The following STARD3 variants were observed in gnomAD, a reference collection of about 807,000 sequenced individuals.
The protein encoded by STARD3 is stAR-related lipid transfer protein 3.
STARD3 carries 39 observed loss-of-function variants against 62.0 expected under a neutral mutation model. The observed-to-expected ratio is 0.63, with a 90% CI of 0.49 to 0.82. The LOEUF (loss-of-function observed/expected upper bound fraction) is 0.82. STARD3 is among the 40% of genes least tolerant of loss of function. The probability of loss-of-function intolerance (pLI) is 0.00; values close to 1 mark genes in which losing one functional copy is unlikely to be tolerated. For synonymous variants in STARD3, 229 were observed against 242.4 expected, an observed-to-expected ratio of 0.94 and a Z score of 0.51; for missense variants, 543 against 584.5, an observed-to-expected ratio of 0.93 and a Z score of 0.73.
intron 1 of STARD3, chr17:39,653,076 C>T (rs2144975889): frequency 5.1e-6 from 1 of 196,088 alleles, no homozygotes; most frequent in Non-Finnish European, 1.1e-5. Context: ...AAGAACAGAG[C>T]TTGGGGCCCT....
intron 1 of STARD3, among the ~76,000 whole-genome samples, chr17:39,645,881 CTTTTTTTTTTTTTTTT>C (rs71147368): frequency 3.6e-5 from 2 of 55,666 alleles, no homozygotes; most frequent in East Asian, 4.0e-4. Context: ...GGATTCTTGC[CTTTTTTTTTTTTTTTT>C]TTTTTTTTTT....
At chr17:39,653,778 G>A in intron 2 of STARD3, 28 bp downstream of exon 2, 1 of 1,612,368 alleles carries the variant, frequency 6.2e-7, no homozygotes, top group South Asian at 1.1e-5. Context: ...GGGGGCACAG[G>A]CCATGTTGCA....
rs2056991206 is a variant in STARD3 at position 39,642,587 on chromosome 17, G to A, written c.-52+5356G>A. ...AGTTCTGGCACTGGGCATGCAGCAG[G>A]GAGCAAAGCACAGGAAGTCCTTACT... On this transcript the variant is annotated intron_variant, in intron 1 of 14. Transcript: ENST00000336308. Among the ~76,000 whole-genome samples the A allele has an allele frequency of 3.3e-5, 5 of 152,288 alleles. No individual in the cohort carries two copies. The South Asian group carries it at 1.0e-3, about 32-fold the overall frequency.
intron 1 of STARD3, among the ~76,000 whole-genome samples, chr17:39,648,575 C>T (rs1345462407): frequency 6.6e-6 from 1 of 152,120 alleles, no homozygotes; most frequent in Non-Finnish European, 1.5e-5. Flanking sequence ...TACTGGTTGC[C>T]CGGAGACTGG....
At chr17:39,653,439 C>T (rs2057095758) in intron 1 of STARD3, 42 bp from the exon 2 acceptor site, 3 of 1,339,704 alleles carry the variant, frequency 2.2e-6, no homozygotes, top group East Asian at 2.5e-5. Flanking sequence ...GTGGGAGGGA[C>T]AGGAGGAGTT....
At position 39,659,008 on chromosome 17, in the gene STARD3, C is replaced by G. The variant is rs375298708; in HGVS notation, c.647-43C>G. On this transcript the variant is annotated intron_variant, in intron 7 of 14. Coordinates refer to ENST00000336308, the MANE Select transcript of STARD3 (RefSeq NM_006804.4). ...GAACCCCACTACCTCCCCACACTCTCTCCCCACCCCTTGCCATTGTCATCT... is the reference window on the plus strand; with the variant it reads ...GAACCCCACTACCTCCCCACACTCTGTCCCCACCCCTTGCCATTGTCATCT... The G allele has an allele frequency of 3.1e-6, 5 of 1,613,050 alleles. No homozygotes were observed. The South Asian group carries it at 4.4e-5, about 14-fold the overall frequency.
At chr17:39,646,711 G>A (rs186463437) in intron 1 of STARD3, among the ~76,000 whole-genome samples, 122 of 152,254 alleles carry the variant, frequency 8.0e-4, no homozygotes, top group Admixed American at 4.8e-3. Context: ...TGTTTGTCCT[G>A]AGTCCAGGAC....
chr17:39,660,007 ACT>A lies in STARD3; in HGVS notation c.796-202_796-201del. ...GCTGCAGCTGTCCCCCCGTCTTTTA[ACT>A]CGACATCAAAAGCCTCTCTCCTGCC... On this transcript the variant is annotated intron_variant, in intron 9 of 14. Transcript: ENST00000336308. The surrounding 1 kb of genome is among the most constrained non-coding windows in gnomAD (Gnocchi z 4.8). 1.7e-6 allele frequency: 1 copy of A among 597,270 alleles called. No homozygotes were observed. Among genetic ancestry groups the A allele is most frequent in the Non-Finnish European group, 3.0e-6 (1 of 336,380 alleles). The allele number at this position is 597,270 out of a possible 1,614,324, so 37.0% of individuals were successfully genotyped here.
intron 14 of STARD3, 76 bp downstream of exon 14, chr17:39,662,420 C>A: frequency 7.1e-7 from 1 of 1,406,766 alleles, no homozygotes; most frequent in Non-Finnish European, 9.9e-7. Flanking sequence ...TGCTGCATGA[C>A]TTTGGGGGCT....
intron 13 of STARD3, among the ~76,000 whole-genome samples, chr17:39,661,887 T>C (rs2145051361): frequency 6.6e-6 from 1 of 152,268 alleles, no homozygotes; most frequent in South Asian, 2.1e-4. Context: ...TGTCCCCTCC[T>C]GAAGGGGAAG....
intron 13 of STARD3, 80 bp downstream of exon 13, chr17:39,661,165 A>T (rs2145045102): frequency 7.6e-7 from 1 of 1,312,426 alleles, no homozygotes; most frequent in Non-Finnish European, 1.1e-6. Flanking sequence ...CAGCATGTAC[A>T]GCTGGGCACT....
intron 1 of STARD3, among the ~76,000 whole-genome samples, chr17:39,638,028 A>G (rs2056949126): frequency 6.6e-6 from 1 of 152,018 alleles, no homozygotes; most frequent in African/African-American, 2.4e-5. Context: ...ACTGGGTCCA[A>G]ACTTGAACTG....
chr17:39,644,851 C>CAAAAAAA (rs35361174), intron 1 of STARD3, among the ~76,000 whole-genome samples: 3 of 116,884 alleles, frequency 2.6e-5, no homozygotes, highest in African/African-American at 9.1e-5. Context: ...GACAGAGTCT[C>CAAAAAAA]AAAAAAAAAA....
intron 1 of STARD3, among the ~76,000 whole-genome samples, chr17:39,641,346 G>A (rs982367265): frequency 6.6e-6 from 1 of 152,086 alleles, no homozygotes; most frequent in African/African-American, 2.4e-5. Context: ...TACTTGGGAG[G>A]CTGAGGCAGG....
In STARD3 at chr17:39,657,035, G is replaced by A; in HGVS notation, c.247G>A (p.Glu83Lys). The A allele has an allele frequency of 6.2e-7, 1 of 1,614,178 alleles. No homozygotes were observed. Among genetic ancestry groups the A allele is most frequent in the South Asian group, 1.1e-5 (1 of 91,082 alleles). ...NTNTGIRKNLEQEIIQYNFKT... is the reference protein window; with the variant it reads ...NTNTGIRKNLKQEIIQYNFKT... ...CAACACAGGCATCCGTAAGAACTTG[G>A]AGCAGGAGATCATCCAGTACAACTT... The change falls in exon 3 of 15, where the codon GAG becomes AAG. Residue 83 changes from glutamate (E) to lysine (K), a missense_variant. Physicochemically the swap from Glu to Lys is moderately conservative, Grantham distance 56. Coordinates refer to ENST00000336308, the MANE Select transcript of STARD3 (RefSeq NM_006804.4).
At chr17:39,648,883 C>T (rs755657033) in intron 1 of STARD3, among the ~76,000 whole-genome samples, 13 of 152,186 alleles carry the variant, frequency 8.5e-5, no homozygotes, top group Non-Finnish European at 1.8e-4. Context: ...GTCTCACACC[C>T]AAGCTGCTGC....
In STARD3 at chr17:39,653,742, G is replaced by A. The variant is rs370238096; in HGVS notation, c.211G>A (p.Glu71Lys). The A allele has an allele frequency of 1.4e-5, 22 of 1,613,996 alleles. No homozygotes were observed. The South Asian group carries it at 1.5e-4, about 11-fold the overall frequency. ...LLFISLLWIIELNTNTGIRKN... is the reference protein window; with the variant it reads ...LLFISLLWIIKLNTNTGIRKN... ...CTTCATCTCCCTGCTCTGGATCATC[G>A]AACTGAATGTGAGTGGGGGCGAGGT... is the stretch of plus-strand genomic sequence containing the variant. The change falls in exon 2 of 15, where the codon GAA becomes AAA. Residue 71 changes from glutamate (E) to lysine (K), a missense_variant. Transcript: ENST00000336308.
At position 39,658,657 on chromosome 17, in the gene STARD3, G is replaced by A. The variant is rs2057158782; in HGVS notation, c.548-65G>A. The A allele has an allele frequency of 2.5e-6, 4 of 1,600,932 alleles. No homozygotes were observed. The Admixed American group carries it at 5.0e-5, about 20-fold the overall frequency. On this transcript the variant is annotated intron_variant, in intron 6 of 14. Coordinates refer to ENST00000336308, the MANE Select transcript of STARD3 (RefSeq NM_006804.4). ...TCCAGTAGCCTGAGGGGGAGCTTGG[G>A]TGGGGGTACCCCAGGCTGCTAGGGT...
chr17:39,663,918 C>CCG lies in STARD3; in HGVS notation c.*1012_*1013dup, dbSNP rs564203638. The stretch of plus-strand genomic sequence containing the variant: ...GACTCCACTCACCCATTCCCTCTCC[C>CCG]CGCACGGCACTCACACCAGGGGCGG... On this transcript the variant is annotated 3_prime_UTR_variant, in exon 15 of 15. Transcript: ENST00000336308. 2.1e-3 allele frequency among the ~76,000 whole-genome samples: 316 copies of CCG among 152,246 alleles called. No homozygotes were observed. Among genetic ancestry groups the CCG allele is most frequent in the African/African-American group, 7.4e-3 (308 of 41,548 alleles).
Sources: allele counts gnomAD v4.1 joint callset (sites outside exome capture counted in the v4.1 genomes callset), GRCh38; gene constraint gnomAD v4.1.1; non-coding constraint Gnocchi (gnomAD v3.1); transcripts MANE v1.5; gene names NCBI Gene and HGNC (gene_info 2026-07-23, HGNC 2026-07-21).